Variants in DGKB observed in about 807,000 individuals in gnomAD.
DGKB encodes 90 kDa diacylglycerol kinase.
In DGKB, 67 loss-of-function variants were observed where a neutral mutation model predicts 114.3. The observed-to-expected ratio is 0.59, with a 90% CI of 0.48 to 0.72. The LOEUF is 0.72. Among genes scored for constraint, DGKB ranks in the 30% least tolerant of loss-of-function variants. The pLI is 0.00. For missense variants in DGKB, 907 were observed against 975.2 expected (o/e 0.93, Z 0.93); for synonymous variants, 398 against 323.1 (o/e 1.23, Z -2.49).
intron 17 of DGKB, among the ~76,000 whole-genome samples, chr7:14,599,579 C>A (rs552045940): frequency 6.6e-6 from 1 of 152,314 alleles, no homozygotes; most frequent in South Asian, 2.1e-4. Context: ...GAAACCCTCA[C>A]CAACAATGCA....
intron 5 of DGKB, among the ~76,000 whole-genome samples, chr7:14,729,756 AC>A: frequency 6.6e-6 from 1 of 152,332 alleles, no homozygotes; most frequent in Middle Eastern, 3.4e-3. Context: ...AAAGTGGTTT[AC>A]AATATTTATT....
At chr7:14,741,728 T>C (rs1832610443) in intron 4 of DGKB, among the ~76,000 whole-genome samples, 1 of 152,226 alleles carries the variant, frequency 6.6e-6, no homozygotes, top group Non-Finnish European at 1.5e-5. Context: ...AAATACCTTG[T>C]ATACTCGCAG....
intron 23 of DGKB, among the ~76,000 whole-genome samples, chr7:14,284,476 A>G (rs13310890): frequency 6.9e-6 from 1 of 145,516 alleles, no homozygotes; most frequent in African/African-American, 2.8e-5. Context: ...ATCTAGAACT[A>G]GAAATACCAT....
chr7:14,555,601 A>C (rs922542578), intron 20 of DGKB, among the ~76,000 whole-genome samples: 7 of 152,186 alleles, frequency 4.6e-5, no homozygotes, highest in African/African-American at 1.7e-4. Flanking sequence ...CTAGAATAGG[A>C]GTAAGGTAAA....
intron 21 of DGKB, among the ~76,000 whole-genome samples, chr7:14,405,838 C>T (rs568126374): frequency 5.9e-5 from 9 of 151,860 alleles, no homozygotes; most frequent in African/African-American, 1.5e-4. Flanking sequence ...CCATTCTAAG[C>T]GAGAGACATC....
At chr7:14,538,047 G>T (rs891917354) in intron 20 of DGKB, among the ~76,000 whole-genome samples, 1 of 125,926 alleles carries the variant, frequency 7.9e-6, no homozygotes, top group African/African-American at 3.0e-5. Flanking sequence ...GCGTTTGCTG[G>T]AAGCTCCAGT....
chr7:14,489,743 T>C (rs147480541), intron 20 of DGKB, among the ~76,000 whole-genome samples: 23 of 150,588 alleles, frequency 1.5e-4, no homozygotes, highest in African/African-American at 5.1e-4. Context: ...GATGGGAGAG[T>C]AAGAGGTAGG....
chr7:14,387,092 T>C (rs975955873), intron 21 of DGKB, among the ~76,000 whole-genome samples: 16 of 143,048 alleles, frequency 1.1e-4, no homozygotes, highest in African/African-American at 4.0e-4. Context: ...TGTTTGTTTC[T>C]TTTGATTATT....
intron 10 of DGKB, among the ~76,000 whole-genome samples, chr7:14,684,156 A>G (rs1821293287): frequency 6.6e-6 from 1 of 152,184 alleles, no homozygotes; most frequent in Non-Finnish European, 1.5e-5. Flanking sequence ...ATTCGTAAAT[A>G]GTTCAGAAAT....
intron 2 of DGKB, among the ~76,000 whole-genome samples, chr7:14,783,097 A>G (rs1839370133): frequency 1.3e-5 from 2 of 152,216 alleles, no homozygotes; most frequent in Admixed American, 1.3e-4. Context: ...TAAGTCTTCC[A>G]TAAGTTTTTT....
Position 14,296,150 on chromosome 7 carries a change from G to C in DGKB, c.2122+42365C>G, listed in dbSNP as rs55853726. ...AGGTTCAAGCAATTATCCTGCCTCA[G>C]ACTCCTGAGTAGCTGGGACTACAGG... is the stretch of plus-strand genomic sequence containing the variant. On this transcript the variant is annotated intron_variant, in intron 23 of 25. Coordinates refer to ENST00000402815, the MANE Select transcript of DGKB (RefSeq NM_001350709.2). 2.0e-5 allele frequency among the ~76,000 whole-genome samples: 3 copies of C among 151,408 alleles called. No homozygotes were observed. The South Asian group carries it at 6.2e-4, about 31-fold the overall frequency.
At chr7:14,244,358 T>C (rs1794120364) in intron 23 of DGKB, among the ~76,000 whole-genome samples, 1 of 151,980 alleles carries the variant, frequency 6.6e-6, no homozygotes, top group African/African-American at 2.4e-5. Context: ...CTCAACGTGA[T>C]ATTAGAAGAG....
chr7:14,179,134 G>A (rs988568501), intron 23 of DGKB, among the ~76,000 whole-genome samples: 5 of 152,140 alleles, frequency 3.3e-5, no homozygotes, highest in Admixed American at 1.3e-4. Context: ...TAACATAAAG[G>A]TGGAGGTTGG....
At chr7:14,164,780 A>T (rs1784394720) in intron 25 of DGKB, among the ~76,000 whole-genome samples, 1 of 152,174 alleles carries the variant, frequency 6.6e-6, no homozygotes. Flanking sequence ...TGGGGATTAC[A>T]GGGAATTTAG....
At chr7:14,764,273 T>A (rs1425556019) in intron 2 of DGKB, among the ~76,000 whole-genome samples, 1 of 151,962 alleles carries the variant, frequency 6.6e-6, no homozygotes, top group East Asian at 1.9e-4. Context: ...ATTATGTCAA[T>A]GTTAAAGTTA....
At chr7:14,660,058 C>G (rs1229616564) in intron 13 of DGKB, among the ~76,000 whole-genome samples, 1 of 151,126 alleles carries the variant, frequency 6.6e-6, no homozygotes, top group Non-Finnish European at 1.5e-5. Flanking sequence ...TGTATTGAAC[C>G]AGCCTTGCAT....
chr7:14,219,350 G>A (rs539530554), intron 23 of DGKB, among the ~76,000 whole-genome samples: 1 of 151,932 alleles, frequency 6.6e-6, no homozygotes, highest in Non-Finnish European at 1.5e-5. Context: ...TTGAAAGAAT[G>A]TTCTCTAAAT....
intron 13 of DGKB, among the ~76,000 whole-genome samples, chr7:14,662,679 A>C (rs533816738): frequency 1.3e-5 from 2 of 152,082 alleles, no homozygotes; most frequent in South Asian, 4.1e-4. Context: ...ATACATAAAA[A>C]TTTAAGGATA....
intron 20 of DGKB, among the ~76,000 whole-genome samples, chr7:14,500,713 G>C (rs183566802): frequency 6.6e-6 from 1 of 151,816 alleles, no homozygotes; most frequent in East Asian, 1.9e-4. Context: ...ATTGGATTCG[G>C]TACTAGGTGA....
Sources: gnomAD v4.1 joint callset for allele counts (sites outside exome capture counted in the v4.1 genomes callset) on GRCh38, gnomAD v4.1.1 for gene constraint, MANE v1.5 for transcripts, NCBI Gene and HGNC (gene_info 2026-07-23, HGNC 2026-07-21) for gene names.